The following TMEM132B variants were observed in gnomAD, a reference collection of about 807,000 sequenced individuals.
TMEM132B encodes the protein transmembrane protein 132B.
Under a neutral mutation model 90.8 loss-of-function variants are expected in TMEM132B, and 18 were observed. The ratio of observed to expected loss-of-function variants is 0.20; its 90% CI spans 0.14 to 0.29. The LOEUF (loss-of-function observed/expected upper bound fraction) is 0.29. TMEM132B is among the 10% of genes least tolerant of loss of function. The pLI, the probability that TMEM132B is intolerant of heterozygous loss-of-function variation, is 1.00. For missense variants in TMEM132B, 1,096 were observed against 1,326.8 expected (o/e 0.83, Z 2.70); for synonymous variants, 504 against 523.3 (o/e 0.96, Z 0.50).
At chr12:125,438,521 A>C (rs1042518031) in intron 3 of TMEM132B, among the ~76,000 whole-genome samples, 11 of 152,242 alleles carry the variant, frequency 7.2e-5, no homozygotes, top group Non-Finnish European at 1.6e-4. Context: ...AGCTATTTCA[A>C]GCATACTTAA....
At chr12:125,352,395 G>C (rs971522030) in intron 2 of TMEM132B, among the ~76,000 whole-genome samples, 3 of 152,214 alleles carry the variant, frequency 2.0e-5, no homozygotes, top group Non-Finnish European at 4.4e-5. Context: ...TATGTGCTGG[G>C]GGGACAAGGC....
intron 3 of TMEM132B, among the ~76,000 whole-genome samples, chr12:125,450,708 T>A (rs972599563): frequency 3.9e-5 from 6 of 152,200 alleles, no homozygotes; most frequent in Non-Finnish European, 8.8e-5. Flanking sequence ...GGTCTCAAAA[T>A]GTCTCCTAAC....
At chr12:125,316,678 C>T (rs1000347498) in intron 1 of TMEM132B, among the ~76,000 whole-genome samples, 40 of 128,342 alleles carry the variant, frequency 3.1e-4, no homozygotes, top group African/African-American at 9.0e-4. Context: ...CAGCTCATTC[C>T]GGAAGAGGGG....
In TMEM132B at chr12:125,383,404, G is replaced by T. The variant is rs372117593; in HGVS notation, c.960-32127G>T. On this transcript the variant is annotated intron_variant, in intron 2 of 8. Transcript: ENST00000682704. ...AAGAAAATTTTCTATCACTCACTAA[G>T]GTGGAAAATCAATCTGTTGATTTTC... Among the ~76,000 whole-genome samples the T allele has an allele frequency of 3.3e-5, 5 of 152,246 alleles. No homozygotes were observed. The South Asian group carries it at 8.3e-4, about 25-fold the overall frequency.
intron 4 of TMEM132B, among the ~76,000 whole-genome samples, chr12:125,576,734 T>G (rs1473358126): frequency 1.3e-5 from 2 of 152,076 alleles, no homozygotes; most frequent in Non-Finnish European, 2.9e-5. Context: ...AGACATACAT[T>G]TTGGTCCTTT....
chr12:125,246,019 C>T lies in TMEM132B; in HGVS notation c.67+59153C>T, dbSNP rs142093919. On this transcript the variant is annotated intron_variant, in intron 1 of 8. Coordinates refer to ENST00000682704, the MANE Select transcript of TMEM132B (RefSeq NM_001366854.1). This position sits in a 1 kb window ranked among gnomAD's most constrained non-coding sequence, Gnocchi z 4.2. ...TAACAAGGACCATTTTAACACAAAACGGGACCCTCGTGTGCTTCTTCCACT... is the reference window on the plus strand; with the variant it reads ...TAACAAGGACCATTTTAACACAAAATGGGACCCTCGTGTGCTTCTTCCACT... Among the ~76,000 whole-genome samples the T allele has an allele frequency of 0.01, 1,551 of 152,302 alleles. 10 individuals are homozygous for T. The highest frequency in any genetic ancestry group is 0.015 in the Non-Finnish European group (998 of 68,024).
chr12:125,619,508 G>A (rs1207489074), intron 5 of TMEM132B, among the ~76,000 whole-genome samples: 1 of 152,030 alleles, frequency 6.6e-6, no homozygotes, highest in Non-Finnish European at 1.5e-5. Context: ...GGGATTACAG[G>A]TGTGTGCCAC....
chr12:125,601,274 C>T (rs7954731), intron 5 of TMEM132B, among the ~76,000 whole-genome samples: 49,300 of 152,020 alleles, frequency 0.32, 8,179 homozygotes, highest in South Asian at 0.41. Flanking sequence ...TCTCAGACCA[C>T]GGTGAAATCA....
chr12:125,473,933 C>G lies in TMEM132B; in HGVS notation c.1107-45506C>G, dbSNP rs547110276. Among the ~76,000 whole-genome samples the G allele has an allele frequency of 1.1e-4, 17 of 151,876 alleles. No individual in the cohort carries two copies. In the South Asian group the frequency reaches 1.9e-3, roughly 17 times the overall value. On this transcript the variant is annotated intron_variant, in intron 3 of 8. Coordinates refer to ENST00000682704, the MANE Select transcript of TMEM132B (RefSeq NM_001366854.1). ...TTTGTTAGCTTCAAGAAATAGAGAT[C>G]CAAGTTTCCTTATCCTGATAGTAGA... is the stretch of plus-strand genomic sequence containing the variant.
chr12:125,192,408 G>A (rs1872819742), intron 1 of TMEM132B, among the ~76,000 whole-genome samples: 1 of 152,190 alleles, frequency 6.6e-6, no homozygotes, highest in Admixed American at 6.5e-5. Flanking sequence ...GGGATTAAGG[G>A]ATGTGTCTTG....
chr12:125,279,938 T>C (rs1419946794), intron 1 of TMEM132B, among the ~76,000 whole-genome samples: 1 of 152,250 alleles, frequency 6.6e-6, no homozygotes, highest in Non-Finnish European at 1.5e-5. Context: ...AGGTGCTGTT[T>C]TAACACTCTA....
intron 2 of TMEM132B, among the ~76,000 whole-genome samples, chr12:125,375,568 C>T (rs942327550): frequency 9.2e-5 from 14 of 152,226 alleles, no homozygotes; most frequent in Admixed American, 3.9e-4. Flanking sequence ...ATGTCAGCTA[C>T]GTTACGTAAT....
At chr12:125,553,435 G>T (rs761747452) in intron 4 of TMEM132B, among the ~76,000 whole-genome samples, 9 of 152,182 alleles carry the variant, frequency 5.9e-5, no homozygotes, top group Non-Finnish European at 1.2e-4. Flanking sequence ...TGGCAAGTGC[G>T]CTACCAGGCC....
At chr12:125,325,210 G>T (rs1392064752) in intron 1 of TMEM132B, among the ~76,000 whole-genome samples, 1 of 152,116 alleles carries the variant, frequency 6.6e-6, no homozygotes, top group East Asian at 1.9e-4. Flanking sequence ...AGGTAAAGAC[G>T]CAAACACACA....
In TMEM132B at chr12:125,409,718, A is replaced by T. The variant is rs537574326; in HGVS notation, c.960-5813A>T. On this transcript the variant is annotated intron_variant, in intron 2 of 8. Transcript: ENST00000682704. ...GAGTGGAGTGGAGTGGAGTGAGTGG[A>T]GTGGAGTGAGTGGAGTGGAGTGGAG... 1.2e-4 allele frequency among the ~76,000 whole-genome samples: 3 copies of T among 25,148 alleles called. No homozygotes were observed. In the East Asian group the frequency reaches 4.2e-3, roughly 35 times the overall value. 16.5% of individuals were successfully genotyped at this position (25,148 alleles called of 152,430 possible). A position where few individuals can be genotyped will look rare whatever the true frequency, so the allele number is the denominator to read the frequency against.
At chr12:125,619,781 A>T (rs1264928176) in intron 5 of TMEM132B, among the ~76,000 whole-genome samples, 1 of 152,168 alleles carries the variant, frequency 6.6e-6, no homozygotes, top group East Asian at 1.9e-4. Flanking sequence ...AAAAATACAC[A>T]ATTATTAGAA....
intron 5 of TMEM132B, among the ~76,000 whole-genome samples, chr12:125,635,475 C>G (rs369759565): frequency 6.6e-6 from 1 of 152,168 alleles, no homozygotes; most frequent in Admixed American, 6.5e-5. Flanking sequence ...ACAAACTCAT[C>G]CTTTCTTATG....
At chr12:125,496,196 G>A (rs1882556257) in intron 3 of TMEM132B, among the ~76,000 whole-genome samples, 1 of 152,110 alleles carries the variant, frequency 6.6e-6, no homozygotes, top group Non-Finnish European at 1.5e-5. Context: ...ATAAAATGGG[G>A]CTGAGAGATG....
At chr12:125,304,739 G>A (rs1391589580) in intron 1 of TMEM132B, among the ~76,000 whole-genome samples, 2 of 152,146 alleles carry the variant, frequency 1.3e-5, no homozygotes, top group Admixed American at 6.5e-5. Flanking sequence ...GCTGAGGAGG[G>A]AGAATCTCTT....
Sources: gnomAD v4.1 joint callset for allele counts (sites outside exome capture counted in the v4.1 genomes callset) on GRCh38, gnomAD v4.1.1 for gene constraint, Gnocchi (gnomAD v3.1) non-coding constraint, MANE v1.5 for transcripts, NCBI Gene and HGNC (gene_info 2026-07-23, HGNC 2026-07-21) for gene names.